Variants in DCAF5 observed in about 807,000 individuals in gnomAD.
DCAF5 encodes the protein DDB1- and CUL4-associated factor 5.
A neutral mutation model predicts 80.7 loss-of-function variants in DCAF5; 9 were observed. The observed-to-expected ratio is 0.11, with a 90% CI of 0.07 to 0.19. The LOEUF (loss-of-function observed/expected upper bound fraction) is 0.19. Among genes scored for constraint, DCAF5 ranks in the 10% least tolerant of loss-of-function variants. DCAF5 has a pLI of 1.00. For synonymous variants in DCAF5, 433 were observed against 461.9 expected (o/e 0.94, Z 0.80); for missense variants, 842 against 1,205.7 (o/e 0.70, Z 4.47).
intron 7 of DCAF5, among the ~76,000 whole-genome samples, chr14:69,072,639 A>C (rs1353652315): frequency 1.3e-5 from 2 of 151,708 alleles, no homozygotes; most frequent in African/African-American, 2.4e-5. Context: ...AAAAAAAAAA[A>C]AAAAAACGAG....
chr14:69,100,006 C>T (rs1203084949), intron 5 of DCAF5, among the ~76,000 whole-genome samples: 1 of 152,026 alleles, frequency 6.6e-6, no homozygotes, highest in Non-Finnish European at 1.5e-5. Flanking sequence ...AAGCCAATTA[C>T]AAGTTAAAAG....
intron 7 of DCAF5, among the ~76,000 whole-genome samples, chr14:69,074,566 G>A (rs1468394334): frequency 2.0e-5 from 3 of 152,022 alleles, no homozygotes; most frequent in African/African-American, 7.3e-5. Context: ...TGACGTCCTG[G>A]GTCAACAAAG....
chr14:69,109,976 A>C (rs911866465), intron 5 of DCAF5, among the ~76,000 whole-genome samples: 10 of 152,118 alleles, frequency 6.6e-5, no homozygotes, highest in African/African-American at 2.4e-4. Context: ...CCTTGTTAAC[A>C]CCTAATACTA....
At chr14:69,148,694 C>G (rs2041617812) in intron 1 of DCAF5, among the ~76,000 whole-genome samples, 1 of 152,074 alleles carries the variant, frequency 6.6e-6, no homozygotes, top group South Asian at 2.1e-4. Context: ...GACTCCATTG[C>G]CCCCACCGCC....
At chr14:69,124,712 CTTTAT>C (rs749309506) in intron 1 of DCAF5, among the ~76,000 whole-genome samples, 3 of 152,142 alleles carry the variant, frequency 2.0e-5, no homozygotes, top group Admixed American at 6.5e-5. Context: ...GTTTTTGTCA[CTTTAT>C]TTTAATGAAA....
chr14:69,147,126 A>G (rs550155854), intron 1 of DCAF5, among the ~76,000 whole-genome samples: 1 of 152,354 alleles, frequency 6.6e-6, no homozygotes, highest in East Asian at 1.9e-4. Flanking sequence ...AATGACCATT[A>G]ATTAATAGGT....
chr14:69,075,470 T>C (rs974591619), intron 6 of DCAF5, 59 bp from the exon 7 acceptor site: 13 of 1,088,432 alleles, frequency 1.2e-5, no homozygotes, highest in Non-Finnish European at 1.6e-5. Flanking sequence ...ATAAATACAA[T>C]ATGTAACAAT....
rs771266367 is a variant in DCAF5, at chr14:69,054,082, G to A, written c.2604C>T (p.Asp868=). Residue 868 remains aspartate (D), a synonymous_variant, in exon 9 of 9, where the codon GAC becomes GAT. Transcript: ENST00000341516. ...TCCCTGTCAGGGACGAGTTATCACG[G>A]TCAGTGTCTGAGTGTCCTGGGGAAG... ...AYSSPGHSDT[D]RDNSSLTGTL... is the part of the protein sequence containing the mutation. The A allele has an allele frequency of 5.0e-6, 8 of 1,614,098 alleles. No homozygotes were observed. The East Asian group carries it at 1.1e-4, about 22-fold the overall frequency.
rs2041725019 is a variant in DCAF5 at position 69,152,091 on chromosome 14, C to A, written c.214+674G>T. 1.3e-5 allele frequency among the ~76,000 whole-genome samples: 2 copies of A among 152,212 alleles called. No homozygotes were observed. The highest frequency in any genetic ancestry group is 2.4e-5 in the African/African-American group (1 of 41,460). On this transcript the variant is annotated intron_variant, in intron 1 of 8. Coordinates refer to ENST00000341516, the MANE Select transcript of DCAF5 (RefSeq NM_003861.3). The surrounding 1 kb of genome is among the most constrained non-coding windows in gnomAD (Gnocchi z 4.1). ...TCAGGCTGGTGCCCTTTAGCCTCCA[C>A]AGCCCTCGCCACTCTCGAAACTGTA...
intron 5 of DCAF5, among the ~76,000 whole-genome samples, chr14:69,106,213 C>T (rs188379963): frequency 3.3e-5 from 5 of 151,168 alleles, no homozygotes; most frequent in Admixed American, 6.6e-5. Context: ...CCCACCACTA[C>T]GCCCGGCTAA....
At position 69,054,230 on chromosome 14, in the gene DCAF5, T is replaced by C. The variant is rs1429290249; in HGVS notation, c.2456A>G (p.Asp819Gly). ...SGNCPRTQSD[D>G]SEERSLETIC... is the part of the protein sequence containing the mutation. ...GGTTTCGAGGCTCCTCTCCTCACTGTCATCAGACTGGGTCCTGGGACAGTT... is the reference window on the plus strand; with the variant it reads ...GGTTTCGAGGCTCCTCTCCTCACTGCCATCAGACTGGGTCCTGGGACAGTT... Residue 819 changes from aspartate to glycine, a missense_variant, in exon 9 of 9, where the codon GAC (aspartate) becomes GGC (glycine). By Grantham distance (94) the Asp-to-Gly change is moderately conservative (BLOSUM62 -1). Transcript: ENST00000341516. 6.2e-7 allele frequency: 1 copy of C among 1,614,126 alleles called. No homozygotes were observed. Among genetic ancestry groups the C allele is most frequent in the Non-Finnish European group, 8.5e-7 (1 of 1,180,062 alleles).
chr14:69,091,075 C>T, intron 6 of DCAF5: 1 of 753,590 alleles, frequency 1.3e-6, no homozygotes, highest in South Asian at 1.4e-5. Context: ...AGCTTTAAGT[C>T]AACATCAGCA....
At chr14:69,064,682 G>A (rs2038363063) in intron 7 of DCAF5, among the ~76,000 whole-genome samples, 1 of 152,180 alleles carries the variant, frequency 6.6e-6, no homozygotes, top group South Asian at 2.1e-4. Flanking sequence ...GAGGGGCACT[G>A]TATTCAATGG....
Position 69,119,247 on chromosome 14 carries a change from C to CA in DCAF5, c.359-18dup. 1 of 1,612,776 alleles carries CA rather than the reference C, an allele frequency of 6.2e-7. No individual in the cohort carries two copies. The highest frequency in any genetic ancestry group is 8.5e-7 in the Non-Finnish European group (1 of 1,179,598). Reference sequence around the variant, plus strand: ...CATCATTGCCTGCAAAAGAAAAAAGCAGACATCTGATCATTCGTGCAAGGT... The same window carrying CA: ...CATCATTGCCTGCAAAAGAAAAAAGCAAGACATCTGATCATTCGTGCAAGGT... On this transcript the variant is annotated splice_polypyrimidine_tract_variant and intron_variant, in intron 2 of 8. Coordinates refer to ENST00000341516, the MANE Select transcript of DCAF5 (RefSeq NM_003861.3).
intron 1 of DCAF5, among the ~76,000 whole-genome samples, chr14:69,128,476 C>A (rs2040941480): frequency 6.6e-6 from 1 of 152,106 alleles, no homozygotes; most frequent in East Asian, 1.9e-4. Context: ...GTGAGCCTGG[C>A]TGAATATTTC....
At chr14:69,106,941 C>T (rs2040182591) in intron 5 of DCAF5, among the ~76,000 whole-genome samples, 1 of 152,070 alleles carries the variant, frequency 6.6e-6, no homozygotes, top group Non-Finnish European at 1.5e-5. Flanking sequence ...ACTTGGGAGG[C>T]TGAGGCAGGA....
rs2041753706 is a variant in DCAF5, at chr14:69,152,933, C to T, written c.46G>A (p.Gly16Ser). ...TGCAAGCCCCGCTGGGACAAGAAGC[C>T]CACCACTGACCTCATGCTGCCCCCC... The part of the protein sequence containing the change: ...GLGGSMRSVV[G>S]FLSQRGLHGD... The change falls in exon 1 of 9, where the codon GGC (glycine) becomes AGC (serine). Residue 16 changes from glycine to serine, a missense_variant. Transcript: ENST00000341516. This position sits in a 1 kb window ranked among gnomAD's most constrained non-coding sequence, Gnocchi z 4.1. 1 of 1,613,210 alleles carries T rather than the reference C, an allele frequency of 6.2e-7. No homozygotes were observed. The highest frequency in any genetic ancestry group is 8.5e-7 in the Non-Finnish European group (1 of 1,179,950).
intron 6 of DCAF5, chr14:69,090,763 A>G (rs1454121819): frequency 2.2e-5 from 5 of 230,420 alleles, no homozygotes; most frequent in African/African-American, 1.1e-4. Flanking sequence ...GGTACAGCAT[A>G]TAAGAATTTT....
chr14:69,064,252 T>G (rs1246332605), intron 7 of DCAF5, among the ~76,000 whole-genome samples: 1 of 152,230 alleles, frequency 6.6e-6, no homozygotes, highest in African/African-American at 2.4e-5. Context: ...TTGGGTCTAT[T>G]TCTTCTAGAT....
Sources: gnomAD v4.1 joint callset for allele counts (sites outside exome capture counted in the v4.1 genomes callset) on GRCh38, gnomAD v4.1.1 for gene constraint, Gnocchi (gnomAD v3.1) non-coding constraint, MANE v1.5 for transcripts, NCBI Gene and HGNC (gene_info 2026-07-23, HGNC 2026-07-21) for gene names.